Variants in FGD4 observed in about 807,000 individuals in gnomAD.
FGD4 encodes FYVE, RhoGEF and PH domain-containing protein 4.
In FGD4, 42 loss-of-function variants were observed where a neutral mutation model predicts 102.0. The ratio of observed to expected loss-of-function variants is 0.41; its 90% CI spans 0.32 to 0.53. FGD4 has a LOEUF of 0.53. Ranked by LOEUF, FGD4 falls within the 20% of genes least tolerant of loss-of-function variation. The probability of loss-of-function intolerance (pLI) is 0.21; values close to 1 mark genes in which losing one functional copy is unlikely to be tolerated. For missense variants in FGD4, 902 were observed against 1,078.2 expected (o/e 0.84, Z 2.29); for synonymous variants, 380 against 375.7 (o/e 1.01, Z -0.13).
At chr12:32,418,340 A>C (rs562848656) in intron 1 of FGD4, among the ~76,000 whole-genome samples, 11 of 152,188 alleles carry the variant, frequency 7.2e-5, no homozygotes, top group Admixed American at 3.3e-4. Flanking sequence ...TGGGCATTGA[A>C]GAGTTAGGTA....
At chr12:32,568,233 A>G (rs73305546) in intron 2 of FGD4, among the ~76,000 whole-genome samples, 2,142 of 152,368 alleles carry the variant, frequency 0.014, 45 homozygotes, top group African/African-American at 0.048. Flanking sequence ...GCAGAAAGAA[A>G]GAAAGATAAA....
intron 1 of FGD4, chr12:32,502,051 A>G: frequency 1.0e-6 from 1 of 985,476 alleles, no homozygotes; most frequent in Non-Finnish European, 1.2e-6. Flanking sequence ...CTGGAGCACA[A>G]AGACAGCGAT....
chr12:32,439,341 A>G (rs1942348898), intron 1 of FGD4, among the ~76,000 whole-genome samples: 1 of 152,220 alleles, frequency 6.6e-6, no homozygotes, highest in Non-Finnish European at 1.5e-5. Flanking sequence ...TATCTATGCC[A>G]CATTTTCTAT....
intron 1 of FGD4, among the ~76,000 whole-genome samples, chr12:32,500,291 T>C (rs539758140): frequency 1.8e-4 from 27 of 152,288 alleles, no homozygotes; most frequent in African/African-American, 6.5e-4. Flanking sequence ...TGTAAAGTGT[T>C]TATTATAGTG....
intron 6 of FGD4, 93 bp from the exon 7 acceptor site, chr12:32,602,068 T>C: frequency 8.7e-7 from 1 of 1,147,470 alleles, no homozygotes; most frequent in Non-Finnish European, 1.3e-6. Context: ...TGAGCTGTGA[T>C]AATGCCACTG....
chr12:32,608,610 T>G (rs1217274391), intron 8 of FGD4, among the ~76,000 whole-genome samples: 2 of 152,184 alleles, frequency 1.3e-5, no homozygotes, highest in Admixed American at 1.3e-4. Flanking sequence ...ATGTTAGATG[T>G]CTTATTTTTT....
At chr12:32,410,722 A>G (rs113133247) in intron 1 of FGD4, among the ~76,000 whole-genome samples, 18 of 152,182 alleles carry the variant, frequency 1.2e-4, no homozygotes, top group African/African-American at 1.9e-4. Flanking sequence ...GCCTTCATCA[A>G]CTGCAGTGTC....
At chr12:32,617,660 C>T (rs780328823) in intron 10 of FGD4, among the ~76,000 whole-genome samples, 7 of 152,192 alleles carry the variant, frequency 4.6e-5, no homozygotes, top group African/African-American at 7.2e-5. Context: ...GAATCTCCTA[C>T]CCTGAAAGGG....
intron 1 of FGD4, among the ~76,000 whole-genome samples, chr12:32,461,762 T>C (rs1180226820): frequency 1.3e-5 from 2 of 152,234 alleles, no homozygotes; most frequent in East Asian, 3.8e-4. Context: ...AGTCTTGCTC[T>C]GTCGCCGAGG....
At chr12:32,499,973 G>A (rs754790309) in intron 1 of FGD4, among the ~76,000 whole-genome samples, 5 of 152,218 alleles carry the variant, frequency 3.3e-5, no homozygotes, top group Admixed American at 2.6e-4. Context: ...AGCCAAGATC[G>A]TGAGCATGGG....
chr12:32,592,497 T>C lies in FGD4; in HGVS notation c.1012-6000T>C, dbSNP rs568738360. ...ACTGTTTCCCAAAGGACTGCAAGAA[T>C]AAATGGCTTCATGGTAAAGCGCTAA... is the stretch of plus-strand genomic sequence containing the variant. On this transcript the variant is annotated intron_variant, in intron 4 of 16. Coordinates refer to ENST00000534526, the MANE Select transcript of FGD4 (RefSeq NM_001370298.3). Among the ~76,000 whole-genome samples, 8 of 152,222 alleles carry C rather than the reference T, an allele frequency of 5.3e-5. No individual in the cohort carries two copies. In the East Asian group the frequency reaches 1.6e-3, roughly 30 times the overall value.
chr12:32,607,624 C>T (rs560314313), intron 7 of FGD4, among the ~76,000 whole-genome samples: 26 of 152,292 alleles, frequency 1.7e-4, no homozygotes, highest in African/African-American at 5.1e-4. Context: ...ATTCTCCTGC[C>T]TCAGGCTCAG....
rs140518287 is a variant in FGD4 at position 32,545,760 on chromosome 12, G to C, written c.167-18377G>C. Among the ~76,000 whole-genome samples, 914 of 152,302 alleles carry C rather than the reference G, an allele frequency of 6.0e-3. 8 individuals are homozygous for C. Among genetic ancestry groups the C allele is most frequent in the African/African-American group, 0.02 (844 of 41,554 alleles). ...CAGTGGCCTCTGTTGCAAGGTGTTA[G>C]ATGAGTGCTTGTTGAATTCATATCT... is the stretch of plus-strand genomic sequence containing the variant. On this transcript the variant is annotated intron_variant, in intron 1 of 16. Coordinates refer to ENST00000534526, the MANE Select transcript of FGD4 (RefSeq NM_001370298.3).
intron 1 of FGD4, among the ~76,000 whole-genome samples, chr12:32,423,146 C>G (rs1009038945): frequency 2.0e-5 from 3 of 151,920 alleles, no homozygotes; most frequent in Non-Finnish European, 4.4e-5. Flanking sequence ...TCCAGTTTGT[C>G]TAAAGTCTAA....
rs1377085341 is a variant in FGD4 at position 32,561,002 on chromosome 12, C to T, written c.167-3135C>T. 3.4e-5 allele frequency among the ~76,000 whole-genome samples: 5 copies of T among 146,772 alleles called. No individual in the cohort carries two copies. In the East Asian group the frequency reaches 1.0e-3, roughly 30 times the overall value. On this transcript the variant is annotated intron_variant, in intron 1 of 16. Transcript: ENST00000534526. ...TGGAACTCTTGATATTTTCCAAAAT[C>T]TGTTTTACCAAGATAAATTTTAAGG... is the stretch of plus-strand genomic sequence containing the variant.
At chr12:32,452,711 G>T (rs184085605) in intron 1 of FGD4, among the ~76,000 whole-genome samples, 1 of 152,142 alleles carries the variant, frequency 6.6e-6, no homozygotes, top group Non-Finnish European at 1.5e-5. Flanking sequence ...TAAGTGGGGC[G>T]CAGTGGCTCA....
chr12:32,454,583 G>A (rs2136482336), intron 1 of FGD4, among the ~76,000 whole-genome samples: 1 of 152,254 alleles, frequency 6.6e-6, no homozygotes, highest in Non-Finnish European at 1.5e-5. Context: ...AATCGCTAAT[G>A]CTTTAAAATA....
intron 9 of FGD4, 97 bp downstream of exon 9, chr12:32,610,931 T>G (rs1949096898): frequency 7.3e-7 from 1 of 1,365,456 alleles, no homozygotes; most frequent in African/African-American, 1.4e-5. Context: ...TGAATTGAAA[T>G]AGATGAGCCA....
chr12:32,416,653 A>G (rs991809585), intron 1 of FGD4, among the ~76,000 whole-genome samples: 5 of 152,082 alleles, frequency 3.3e-5, no homozygotes, highest in African/African-American at 7.2e-5. Context: ...GAATAAAACT[A>G]TATACTTTAA....
Sources: allele counts gnomAD v4.1 joint callset (sites outside exome capture counted in the v4.1 genomes callset), GRCh38; gene constraint gnomAD v4.1.1; transcripts MANE v1.5; gene names NCBI Gene and HGNC (gene_info 2026-07-23, HGNC 2026-07-21).